RAPGEF6: variants seen among roughly 807,000 people sequenced by gnomAD.
RAPGEF6 encodes Rap guanine nucleotide exchange factor 6, also known as PDZ domain containing guanine nucleotide exchange factor (GEF) 2.
In RAPGEF6, 56 loss-of-function variants were observed where a neutral mutation model predicts 171.4. The ratio of observed to expected loss-of-function variants is 0.33; its 90% CI spans 0.26 to 0.41. The LOEUF (loss-of-function observed/expected upper bound fraction) is 0.41, where lower values mean the gene tolerates loss of function less well. Ranked by LOEUF, RAPGEF6 falls within the 10% of genes least tolerant of loss-of-function variation. The pLI is 1.00. For synonymous variants in RAPGEF6, 692 were observed against 650.1 expected (o/e 1.06, Z -0.98); for missense variants, 1,674 against 1,921.4 (o/e 0.87, Z 2.41).
At chr5:131,502,194 C>T (rs1757066956) in intron 11 of RAPGEF6, among the ~76,000 whole-genome samples, 1 of 152,108 alleles carries the variant, frequency 6.6e-6, no homozygotes, top group African/African-American at 2.4e-5. Context: ...TTAATGAAGA[C>T]AAGACAGTTC....
chr5:131,558,606 T>C (rs1761393214), intron 5 of RAPGEF6, among the ~76,000 whole-genome samples: 1 of 152,194 alleles, frequency 6.6e-6, no homozygotes, highest in Non-Finnish European at 1.5e-5. Flanking sequence ...AGGGCTTAAA[T>C]TTCACAACAA....
At chr5:131,499,484 G>A (rs971317702) in intron 11 of RAPGEF6, among the ~76,000 whole-genome samples, 3 of 150,792 alleles carry the variant, frequency 2.0e-5, no homozygotes, top group Non-Finnish European at 2.9e-5. Context: ...AGGAGGGTGA[G>A]GCAGCAGAAT....
Position 131,604,680 on chromosome 5 carries a change from A to G in RAPGEF6, c.83T>C (p.Ile28Thr). ...TTCCATTCCATGAAGATAAGAATAA[A>G]TAGTATTTAAGTCCTGTGGAACAGA... ...PERTPEDLNT[I>T]YSYLHGMEIL... The change falls in exon 2 of 28, where the codon ATT (isoleucine) becomes ACT (threonine). Residue 28 changes from isoleucine to threonine, a missense_variant. Coordinates refer to ENST00000509018, the MANE Select transcript of RAPGEF6 (RefSeq NM_016340.6). 6.2e-7 allele frequency: 1 copy of G among 1,610,386 alleles called. No homozygotes were observed. Among genetic ancestry groups the G allele is most frequent in the Non-Finnish European group, 8.5e-7 (1 of 1,178,368 alleles).
At chr5:131,493,064 T>C (rs944948640) in intron 13 of RAPGEF6, among the ~76,000 whole-genome samples, 140 of 152,152 alleles carry the variant, frequency 9.2e-4, no homozygotes, top group Non-Finnish European at 1.5e-3. Flanking sequence ...TATTTATTTA[T>C]TTATTTATTT....
At chr5:131,525,256 T>C (rs1218327530) in intron 6 of RAPGEF6, among the ~76,000 whole-genome samples, 1 of 151,970 alleles carries the variant, frequency 6.6e-6, no homozygotes, top group East Asian at 1.9e-4. Flanking sequence ...ATAAAAACAT[T>C]TGTAAAAATT....
intron 6 of RAPGEF6, among the ~76,000 whole-genome samples, chr5:131,544,528 A>C (rs932435034): frequency 2.0e-5 from 3 of 152,204 alleles, no homozygotes; most frequent in Non-Finnish European, 4.4e-5. Flanking sequence ...AAAGCAGATA[A>C]ATGGTTGCTT....
chr5:131,560,749 A>C (rs1428461328), intron 5 of RAPGEF6, among the ~76,000 whole-genome samples: 1 of 152,248 alleles, frequency 6.6e-6, no homozygotes, highest in African/African-American at 2.4e-5. Flanking sequence ...CGGAGACACA[A>C]GTGGAATAAG....
At chr5:131,462,495 G>T (rs1032199535) in intron 18 of RAPGEF6, among the ~76,000 whole-genome samples, 1 of 152,040 alleles carries the variant, frequency 6.6e-6, no homozygotes, top group African/African-American at 2.4e-5. Context: ...GAATCAAGAC[G>T]GTTAAAAATC....
chr5:131,496,490 C>T (rs1288058487), intron 12 of RAPGEF6, among the ~76,000 whole-genome samples: 1 of 152,114 alleles, frequency 6.6e-6, no homozygotes, highest in African/African-American at 2.4e-5. Context: ...AAAAGTAAAC[C>T]TCAAACTCAT....
At chr5:131,553,927 A>G (rs1761066392) in intron 5 of RAPGEF6, among the ~76,000 whole-genome samples, 1 of 152,056 alleles carries the variant, frequency 6.6e-6, no homozygotes, top group Non-Finnish European at 1.5e-5. Context: ...GAAAAAAAAA[A>G]TGTCAAGAAG....
intron 21 of RAPGEF6, among the ~76,000 whole-genome samples, chr5:131,448,465 T>C (rs1752859823): frequency 6.6e-6 from 1 of 152,180 alleles, no homozygotes; most frequent in South Asian, 2.1e-4. Context: ...TCCTTAGTAG[T>C]AGATAAAATA....
Position 131,635,203 on chromosome 5 carries a change from C to T in RAPGEF6, c.-173G>A, listed in dbSNP as rs533164128. 2.7e-3 allele frequency: 1,711 copies of T among 634,786 alleles called. 5 individuals carry two copies. Among genetic ancestry groups the T allele is most frequent in the Non-Finnish European group, 4.2e-3 (1,617 of 384,892 alleles). The allele number at this position is 634,786 out of a possible 1,614,324, so 39.3% of individuals were successfully genotyped here. ...GCAACGCCCGCCTAAGGCCTCTACCCACGCGCGACTGGCCGGAGACAAGTC... is the reference window on the plus strand; with the variant it reads ...GCAACGCCCGCCTAAGGCCTCTACCTACGCGCGACTGGCCGGAGACAAGTC... On this transcript the variant is annotated 5_prime_UTR_variant, in exon 1 of 28. Transcript: ENST00000509018.
chr5:131,604,777 A>G, intron 1 of RAPGEF6, 84 bp from the exon 2 acceptor site: 1 of 1,448,404 alleles, frequency 6.9e-7, no homozygotes, highest in Non-Finnish European at 9.2e-7. Context: ...GATTTTAAGC[A>G]AACAACCACT....
intron 18 of RAPGEF6, 110 bp from the exon 19 acceptor site, chr5:131,462,198 CAAAA>C: frequency 1.1e-6 from 1 of 899,246 alleles, no homozygotes; most frequent in Admixed American, 3.8e-5. Flanking sequence ...AACTTTTAGC[CAAAA>C]ATATTAATTT....
chr5:131,610,784 T>C (rs1232578417), intron 1 of RAPGEF6, among the ~76,000 whole-genome samples: 1 of 152,114 alleles, frequency 6.6e-6, no homozygotes, highest in East Asian at 1.9e-4. Context: ...AGAAGCTCAT[T>C]GAGAGCCATG....
intron 7 of RAPGEF6, among the ~76,000 whole-genome samples, chr5:131,512,393 A>G (rs543486687): frequency 1.3e-5 from 2 of 150,382 alleles, no homozygotes; most frequent in Admixed American, 6.6e-5. Flanking sequence ...TTTTTTAAAG[A>G]CAGGGTTTCA....
intron 6 of RAPGEF6, among the ~76,000 whole-genome samples, chr5:131,542,163 C>A (rs1435510082): frequency 6.6e-6 from 1 of 152,082 alleles, no homozygotes; most frequent in Non-Finnish European, 1.5e-5. Flanking sequence ...TGTTCTGATT[C>A]TTTAGCTTAC....
intron 3 of RAPGEF6, among the ~76,000 whole-genome samples, chr5:131,602,034 C>CG (rs1554086297): frequency 8.1e-6 from 1 of 124,188 alleles, no homozygotes; most frequent in Non-Finnish European, 1.6e-5. Context: ...GACTCCGTCT[C>CG]AAAAAAAAAA....
chr5:131,527,572 T>C (rs1449962998), intron 6 of RAPGEF6, among the ~76,000 whole-genome samples: 1 of 152,126 alleles, frequency 6.6e-6, no homozygotes, highest in Non-Finnish European at 1.5e-5. Flanking sequence ...TGACTCAATA[T>C]TCCTCTTAGG....
Sources: allele counts gnomAD v4.1 joint callset (sites outside exome capture counted in the v4.1 genomes callset), GRCh38; gene constraint gnomAD v4.1.1; transcripts MANE v1.5; gene names NCBI Gene and HGNC (gene_info 2026-07-23, HGNC 2026-07-21).